The following CABLES1 variants were observed in gnomAD, a reference collection of about 807,000 sequenced individuals.
CABLES1 encodes the protein Cdk5 and Abl enzyme substrate 1, also known as CDK5 and ABL1 enzyme substrate 1.
Under a neutral mutation model 57.8 loss-of-function variants are expected in CABLES1, and 36 were observed. That is an observed-to-expected ratio of 0.62 (90% CI 0.48 to 0.82). CABLES1 has a LOEUF of 0.82. CABLES1 is among the 40% of genes least tolerant of loss of function. The pLI is 0.00. For missense variants in CABLES1, 767 were observed against 836.6 expected (o/e 0.92, Z 1.03); for synonymous variants, 374 against 363.0 (o/e 1.03, Z -0.35).
intron 1 of CABLES1, among the ~76,000 whole-genome samples, chr18:23,138,548 G>A (rs1020323682): frequency 3.9e-5 from 6 of 152,196 alleles, no homozygotes; most frequent in African/African-American, 9.7e-5. Context: ...TAAGAAAGGC[G>A]GAAAGGCTAG....
intron 1 of CABLES1, among the ~76,000 whole-genome samples, chr18:23,139,403 C>CA (rs61297552): frequency 0.086 from 9,555 of 111,082 alleles, 482 homozygotes; most frequent in Middle Eastern, 0.13. Flanking sequence ...AACTCCATCT[C>CA]AAAAAAAAAA....
intron 3 of CABLES1, chr18:23,196,835 TG>T (rs1360256667): frequency 6.6e-6 from 1 of 152,316 alleles, no homozygotes; most frequent in Non-Finnish European, 1.5e-5. Context: ...ATCTGTGCAT[TG>T]GGCTGTGCCC....
intron 3 of CABLES1, among the ~76,000 whole-genome samples, chr18:23,211,994 G>T (rs555126944): frequency 1.3e-5 from 2 of 152,364 alleles, no homozygotes; most frequent in African/African-American, 4.8e-5. Flanking sequence ...GTCCTTGACA[G>T]TGACCAGCGT....
chr18:23,185,781 G>A (rs557379485), intron 1 of CABLES1, among the ~76,000 whole-genome samples: 54 of 152,324 alleles, frequency 3.5e-4, no homozygotes, highest in South Asian at 1.2e-3. Flanking sequence ...CTCAGGATCC[G>A]AAGCCTATAC....
At chr18:23,186,918 A>C (rs1333794778) in intron 1 of CABLES1, among the ~76,000 whole-genome samples, 1 of 152,166 alleles carries the variant, frequency 6.6e-6, no homozygotes, top group African/African-American at 2.4e-5. Flanking sequence ...GCACCTGGAG[A>C]GAGGCTAGGC....
chr18:23,228,422 C>A (rs2047543397), intron 4 of CABLES1, among the ~76,000 whole-genome samples: 1 of 152,278 alleles, frequency 6.6e-6, no homozygotes, highest in African/African-American at 2.4e-5. Context: ...CACAGCTGTG[C>A]ATGTGTGCTT....
At chr18:23,139,129 TGGTGGCTCACG>T (rs1201402447) in intron 1 of CABLES1, among the ~76,000 whole-genome samples, 1 of 152,064 alleles carries the variant, frequency 6.6e-6, no homozygotes, top group Admixed American at 6.6e-5. Context: ...CCGGGTGTGG[TGGTGGCTCACG>T]GCTATAATCC....
chr18:23,227,903 T>C (rs1386652482), intron 4 of CABLES1, among the ~76,000 whole-genome samples: 1 of 152,230 alleles, frequency 6.6e-6, no homozygotes. Context: ...GTGTTCAACC[T>C]ATTGTTGTCC....
intron 1 of CABLES1, among the ~76,000 whole-genome samples, chr18:23,182,800 A>T (rs1057447360): frequency 6.6e-6 from 1 of 152,036 alleles, no homozygotes; most frequent in Non-Finnish European, 1.5e-5. Context: ...TGCATAGGGG[A>T]TTGGCCTTGA....
intron 4 of CABLES1, chr18:23,219,273 A>G (rs765905196): frequency 1.1e-5 from 5 of 454,178 alleles, no homozygotes; most frequent in South Asian, 7.8e-5. Context: ...GGAGACGGGA[A>G]TAAGCTAGTA....
chr18:23,242,556 CTT>C (rs897935847), intron 7 of CABLES1, among the ~76,000 whole-genome samples: 1 of 152,136 alleles, frequency 6.6e-6, no homozygotes, highest in Non-Finnish European at 1.5e-5. Flanking sequence ...TTTTCCCCCT[CTT>C]TATGGGTGTG....
At chr18:23,189,042 C>T (rs1443765242) in intron 2 of CABLES1, 133 bp downstream of exon 2, 1 of 625,840 alleles carries the variant, frequency 1.6e-6, no homozygotes, top group Non-Finnish European at 2.8e-6. Flanking sequence ...GACTATGGGA[C>T]ATCTCCTAGT....
chr18:23,141,236 C>G (rs1247204599), intron 1 of CABLES1, among the ~76,000 whole-genome samples: 2 of 152,214 alleles, frequency 1.3e-5, no homozygotes, highest in Non-Finnish European at 2.9e-5. Context: ...AGCTCAGGCT[C>G]ACTATTGCTC....
chr18:23,237,369 GTGTGGGTGCC>G, intron 7 of CABLES1, 124 bp downstream of exon 7: 1 of 724,204 alleles, frequency 1.4e-6, no homozygotes, highest in South Asian at 1.5e-5. Context: ...GAGCTCCCCG[GTGTGGGTGCC>G]CACGGAAGGA....
intron 1 of CABLES1, among the ~76,000 whole-genome samples, chr18:23,140,498 G>A (rs1028949415): frequency 2.7e-5 from 4 of 150,376 alleles, no homozygotes; most frequent in East Asian, 2.0e-4. Flanking sequence ...GTGCAGTGGC[G>A]CCATCGCGGC....
intron 1 of CABLES1, among the ~76,000 whole-genome samples, chr18:23,139,186 G>GGC (rs2046842282): frequency 6.6e-6 from 1 of 152,038 alleles, no homozygotes; most frequent in African/African-American, 2.4e-5. Flanking sequence ...TGGATCACCT[G>GGC]AGGTCAGGAG....
At chr18:23,142,849 A>G (rs1160324393) in intron 1 of CABLES1, among the ~76,000 whole-genome samples, 2 of 152,176 alleles carry the variant, frequency 1.3e-5, no homozygotes, top group East Asian at 3.8e-4. Flanking sequence ...TCCCTGTGGC[A>G]GCTGGCACAG....
chr18:23,257,480 C>T lies in CABLES1; in HGVS notation c.*113C>T. ...CTCAGAATACCAGACTTTTCTTCCT[C>T]TCGACATAGTTTGGGGAGAAGCAGT... is the stretch of plus-strand genomic sequence containing the variant. On this transcript the variant is annotated 3_prime_UTR_variant, in exon 10 of 10. Transcript: ENST00000256925. The T allele has an allele frequency of 8.2e-7, 1 of 1,219,508 alleles. No homozygotes were observed. The highest frequency in any genetic ancestry group is 1.1e-6 in the Non-Finnish European group (1 of 898,184). The allele number at this position is 1,219,508 out of a possible 1,614,324, so 75.5% of individuals were successfully genotyped here. A position where few individuals can be genotyped will look rare whatever the true frequency, so the allele number is the denominator to read the frequency against.
chr18:23,150,715 G>A (rs191962423), intron 1 of CABLES1, among the ~76,000 whole-genome samples: 10 of 152,246 alleles, frequency 6.6e-5, no homozygotes, highest in Non-Finnish European at 1.0e-4. Context: ...GTGAAGGGTC[G>A]TGGGAGTCTG....
Sources: gnomAD v4.1 joint callset for allele counts (sites outside exome capture counted in the v4.1 genomes callset) on GRCh38, gnomAD v4.1.1 for gene constraint, MANE v1.5 for transcripts, NCBI Gene and HGNC (gene_info 2026-07-23, HGNC 2026-07-21) for gene names.